DGKG: variants seen among roughly 807,000 people sequenced by gnomAD.
DGKG encodes diacylglycerol kinase gamma, also known as DAG kinase gamma.
DGKG carries 78 observed loss-of-function variants against 105.3 expected under a neutral mutation model. The ratio of observed to expected loss-of-function variants is 0.74; its 90% confidence interval spans 0.62 to 0.89. DGKG has a LOEUF of 0.89. DGKG is among the 40% of genes least tolerant of loss of function. The pLI, the probability that DGKG is intolerant of heterozygous loss-of-function variation, is 0.00. For missense variants in DGKG, 958 were observed against 1,020.1 expected (o/e 0.94, Z 0.83); for synonymous variants, 346 against 367.1 (o/e 0.94, Z 0.66).
intron 20 of DGKG, among the ~76,000 whole-genome samples, chr3:186,230,607 C>G (rs1236264357): frequency 6.6e-6 from 1 of 152,052 alleles, no homozygotes; most frequent in African/African-American, 2.4e-5. Flanking sequence ...GCAGCAGCAA[C>G]AGGACCACAA....
chr3:186,299,827 T>C (rs1187894328), intron 3 of DGKG, among the ~76,000 whole-genome samples: 37 of 107,344 alleles, frequency 3.4e-4, no homozygotes, highest in African/African-American at 1.2e-3. Context: ...CTTTCTTTCT[T>C]TCTTTCTTTC....
intron 10 of DGKG, among the ~76,000 whole-genome samples, chr3:186,272,864 G>A (rs541504367): frequency 3.3e-5 from 5 of 151,950 alleles, no homozygotes; most frequent in South Asian, 4.2e-4. Flanking sequence ...GATTACAGGC[G>A]TTACAGGCGT....
intron 2 of DGKG, among the ~76,000 whole-genome samples, chr3:186,310,128 G>T (rs1168050956): frequency 6.6e-6 from 1 of 150,916 alleles, no homozygotes; most frequent in Non-Finnish European, 1.5e-5. Flanking sequence ...TTAGCCGGGC[G>T]TGGTGGCACG....
intron 21 of DGKG, among the ~76,000 whole-genome samples, chr3:186,198,378 T>C (rs1718286809): frequency 6.6e-6 from 1 of 152,132 alleles, no homozygotes; most frequent in African/African-American, 2.4e-5. Context: ...ATGGGGCATG[T>C]TTTATATGAG....
intron 20 of DGKG, among the ~76,000 whole-genome samples, chr3:186,220,890 C>T (rs532907120): frequency 1.3e-4 from 20 of 152,298 alleles, no homozygotes; most frequent in African/African-American, 4.1e-4. Context: ...ACACATTCTC[C>T]ATTGATAGGA....
At chr3:186,272,369 G>C in intron 10 of DGKG, 26 bp from the exon 11 acceptor site, 1 of 1,579,886 alleles carries the variant, frequency 6.3e-7, no homozygotes, top group Non-Finnish European at 8.7e-7. Flanking sequence ...GTCAAGGCAG[G>C]TGCTTGTGAA....
chr3:186,161,245 G>A, intron 24 of DGKG: 2 of 1,044,668 alleles, frequency 1.9e-6, no homozygotes, highest in Non-Finnish European at 2.3e-6. Flanking sequence ...CAGCAGAACA[G>A]TCTTCCTTTT....
intron 13 of DGKG, among the ~76,000 whole-genome samples, chr3:186,265,986 G>T (rs4686418): frequency 0.99 from 151,235 of 152,310 alleles, 75,090 homozygotes; most frequent in Middle Eastern, 1. Flanking sequence ...TTGGCTTTTC[G>T]GCTGAGCACT....
At chr3:186,234,694 C>A (rs1266178811) in intron 20 of DGKG, among the ~76,000 whole-genome samples, 2 of 152,144 alleles carry the variant, frequency 1.3e-5, no homozygotes, top group African/African-American at 2.4e-5. Context: ...CAGTGGGTAA[C>A]CTTGTAGGGA....
At chr3:186,185,948 AG>A (rs1717607904) in intron 22 of DGKG, among the ~76,000 whole-genome samples, 2 of 151,796 alleles carry the variant, frequency 1.3e-5, no homozygotes, top group African/African-American at 4.8e-5. Flanking sequence ...AATAGAAAAA[AG>A]TAGCCGGGCG....
intron 1 of DGKG, among the ~76,000 whole-genome samples, chr3:186,351,559 G>A (rs28675864): frequency 0.045 from 6,918 of 152,262 alleles, 219 homozygotes; most frequent in South Asian, 0.098. Flanking sequence ...GTGGTGACTC[G>A]TGAGCAGTTA....
chr3:186,300,861 C>A (rs1451780595), intron 3 of DGKG, among the ~76,000 whole-genome samples: 9 of 152,176 alleles, frequency 5.9e-5, no homozygotes, highest in Non-Finnish European at 4.4e-5. Context: ...TGGTCTCAGA[C>A]CAAGCGCATT....
intron 21 of DGKG, among the ~76,000 whole-genome samples, chr3:186,200,579 CA>C (rs1043180228): frequency 1.4e-4 from 21 of 152,170 alleles, no homozygotes; most frequent in Admixed American, 9.8e-4. Flanking sequence ...AATCCCCTTC[CA>C]GTTCCAAAAT....
chr3:186,320,480 G>T lies in DGKG; in HGVS notation c.-21C>A. The T allele has an allele frequency of 6.2e-7, 1 of 1,614,156 alleles. No homozygotes were observed. Among genetic ancestry groups the T allele is most frequent in the Non-Finnish European group, 8.5e-7 (1 of 1,180,012 alleles). On this transcript the variant is annotated 5_prime_UTR_variant, in exon 2 of 25. Coordinates refer to ENST00000265022, the MANE Select transcript of DGKG (RefSeq NM_001346.3). ...CCCATTTTTAAACTTTATGTGAGTG[G>T]CTAAAGGGCAGTGATGGAGTTTTGT... is the stretch of plus-strand genomic sequence containing the variant.
Position 186,320,472 on chromosome 3 carries a change from T to C in DGKG, c.-13A>G, listed in dbSNP as rs773054672. On this transcript the variant is annotated 5_prime_UTR_variant, in exon 2 of 25. Coordinates refer to ENST00000265022, the MANE Select transcript of DGKG (RefSeq NM_001346.3). ...GTTCTTCACCCATTTTTAAACTTTA[T>C]GTGAGTGGCTAAAGGGCAGTGATGG... 1 of 1,614,174 alleles carries C rather than the reference T, an allele frequency of 6.2e-7. No individual in the cohort carries two copies. Among genetic ancestry groups the C allele is most frequent in the South Asian group, 1.1e-5 (1 of 91,084 alleles).
In DGKG at chr3:186,223,923, C is replaced by T. The variant is rs766205755; in HGVS notation, c.1827-12038G>A. 7.2e-5 allele frequency among the ~76,000 whole-genome samples: 11 copies of T among 152,246 alleles called. 1 individual carries two copies. In the South Asian group the frequency reaches 8.3e-4, roughly 11 times the overall value. ...TCGTGCTCCTCTCCCCTAAGGAATACGAATCATTCAGTTTGCCCCTCTCAC... is the reference window on the plus strand; with the variant it reads ...TCGTGCTCCTCTCCCCTAAGGAATATGAATCATTCAGTTTGCCCCTCTCAC... On this transcript the variant is annotated intron_variant, in intron 20 of 24. Transcript: ENST00000265022.
intron 19 of DGKG, among the ~76,000 whole-genome samples, chr3:186,245,913 AAC>A (rs1720915271): frequency 6.7e-6 from 1 of 148,800 alleles, no homozygotes; most frequent in African/African-American, 2.6e-5. Flanking sequence ...AAAACAAACA[AAC>A]AAAAAAACAA....
At chr3:186,154,644 CAAAA>C (rs60767699) in intron 24 of DGKG, among the ~76,000 whole-genome samples, 2 of 39,968 alleles carry the variant, frequency 5.0e-5, no homozygotes, top group East Asian at 7.0e-4. Flanking sequence ...GACTCTGTCT[CAAAA>C]AAAAAAAAAA....
intron 20 of DGKG, among the ~76,000 whole-genome samples, chr3:186,214,780 G>T (rs761514527): frequency 6.6e-6 from 1 of 152,174 alleles, no homozygotes; most frequent in Non-Finnish European, 1.5e-5. Flanking sequence ...GACTAGAGAA[G>T]GTGTGCCTGG....
Sources: gnomAD v4.1 joint callset for allele counts (sites outside exome capture counted in the v4.1 genomes callset) on GRCh38, gnomAD v4.1.1 for gene constraint, MANE v1.5 for transcripts, NCBI Gene and HGNC (gene_info 2026-07-23, HGNC 2026-07-21) for gene names.